PRCC: variants seen among roughly 807,000 people sequenced by gnomAD.
The protein encoded by PRCC is proline rich mitotic checkpoint control factor.
In PRCC, 10 loss-of-function variants were observed where a neutral mutation model predicts 44.0. The ratio of observed to expected loss-of-function variants is 0.23; its 90% CI spans 0.14 to 0.39. The LOEUF is 0.39. Among genes scored for constraint, PRCC ranks in the 10% least tolerant of loss-of-function variants. PRCC has a pLI of 1.00. For missense variants in PRCC, 573 were observed against 624.7 expected (o/e 0.92, Z 0.88); for synonymous variants, 278 against 259.5 (o/e 1.07, Z -0.69).
At chr1:156,782,395 C>G (rs1053937517) in intron 2 of PRCC, 66 bp downstream of exon 2, 18 of 1,393,842 alleles carry the variant, frequency 1.3e-5, no homozygotes, top group South Asian at 1.0e-4. Context: ...ACAGGACTTA[C>G]AGTATCCAGC....
intron 1 of PRCC, among the ~76,000 whole-genome samples, chr1:156,773,131 T>C (rs1027521844): frequency 6.6e-6 from 1 of 152,060 alleles, no homozygotes; most frequent in Non-Finnish European, 1.5e-5. Flanking sequence ...GGGATAACAG[T>C]AGTAATGATT....
At chr1:156,777,392 A>T (rs985730128) in intron 1 of PRCC, among the ~76,000 whole-genome samples, 3 of 152,218 alleles carry the variant, frequency 2.0e-5, no homozygotes, top group Admixed American at 6.5e-5. Context: ...AAGTGTTATT[A>T]TAAGAATTAA....
Position 156,786,971 on chromosome 1 carries a change from C to A in PRCC, c.880C>A (p.Pro294Thr). The A allele has an allele frequency of 6.2e-7, 1 of 1,614,204 alleles. No homozygotes were observed. Among genetic ancestry groups the A allele is most frequent in the Non-Finnish European group, 8.5e-7 (1 of 1,180,036 alleles). Residue 294 changes from proline (P) to threonine (T), a missense_variant, in exon 3 of 7, where the codon CCC becomes ACC. Pro to Thr is a conservative substitution (Grantham distance 38, BLOSUM62 -1). Coordinates refer to ENST00000271526, the MANE Select transcript of PRCC (RefSeq NM_005973.5). ...ACCTGGAGTTGAGCCATACCCTTAC[C>A]CCATCCCCACTGTCCCTGAAGAGCT... ...EPPGVEPYPY[P>T]IPTVPEELPP...
At chr1:156,781,842 AG>A (rs756337130) in intron 1 of PRCC, among the ~76,000 whole-genome samples, 28 of 152,338 alleles carry the variant, frequency 1.8e-4, no homozygotes, top group Non-Finnish European at 3.5e-4. Flanking sequence ...GTGGTTATGT[AG>A]TCTATATAAG....
chr1:156,771,468 G>A (rs890050216), intron 1 of PRCC, among the ~76,000 whole-genome samples: 5 of 152,118 alleles, frequency 3.3e-5, no homozygotes, highest in African/African-American at 9.7e-5. Context: ...CTGGAGCATC[G>A]AGGTATATTT....
rs534216418 is a variant in PRCC, at chr1:156,794,822, G to C, written c.1323+14G>C. 3.1e-6 allele frequency: 5 copies of C among 1,613,798 alleles called. No individual in the cohort carries two copies. The Admixed American group carries it at 8.3e-5, about 27-fold the overall frequency. On this transcript the variant is annotated intron_variant, in intron 5 of 6. Coordinates refer to ENST00000271526, the MANE Select transcript of PRCC (RefSeq NM_005973.5). ...TCATTCAGCAAAGTAAGTGGGAAAC[G>C]TCTATTGAGTGGTCAGCTTGGGAAG...
chr1:156,779,461 G>T (rs34318284), intron 1 of PRCC, among the ~76,000 whole-genome samples: 28,896 of 151,746 alleles, frequency 0.19, 3,567 homozygotes, highest in Non-Finnish European at 0.28. Flanking sequence ...CGCCTCCTAG[G>T]TTCAAGCAAT....
At chr1:156,778,429 CT>C (rs1651906468) in intron 1 of PRCC, among the ~76,000 whole-genome samples, 1 of 152,168 alleles carries the variant, frequency 6.6e-6, no homozygotes, top group Admixed American at 6.6e-5. Flanking sequence ...ATCCATTCAT[CT>C]GTTGATGGAC....
intron 1 of PRCC, among the ~76,000 whole-genome samples, chr1:156,781,979 G>C (rs982785991): frequency 6.6e-6 from 1 of 152,208 alleles, no homozygotes; most frequent in Non-Finnish European, 1.5e-5. Context: ...CCAAATGGGA[G>C]GAAATAGTCT....
At chr1:156,787,430 A>G (rs1019980541) in intron 3 of PRCC, among the ~76,000 whole-genome samples, 2 of 146,816 alleles carry the variant, frequency 1.4e-5, no homozygotes, top group Non-Finnish European at 3.0e-5. Context: ...GATCCATAAT[A>G]TTTGTACATA....
intron 1 of PRCC, among the ~76,000 whole-genome samples, chr1:156,774,363 C>T (rs1221799529): frequency 2.0e-5 from 3 of 151,372 alleles, no homozygotes; most frequent in African/African-American, 4.8e-5. Flanking sequence ...TTAGTAGAGA[C>T]GGGGTTTCAC....
At chr1:156,780,671 G>A (rs1416092179) in intron 1 of PRCC, among the ~76,000 whole-genome samples, 2 of 151,994 alleles carry the variant, frequency 1.3e-5, no homozygotes, top group Non-Finnish European at 2.9e-5. Context: ...CGTAATGGTA[G>A]TACTAATTGA....
intron 5 of PRCC, chr1:156,795,774 C>G (rs1024685491): frequency 6.6e-6 from 1 of 152,276 alleles, no homozygotes; most frequent in Non-Finnish European, 1.5e-5. Context: ...CCACACCACA[C>G]TCCTGCCTTC....
At position 156,796,973 on chromosome 1, in the gene PRCC, C is replaced by T. The variant is rs1176880505; in HGVS notation, c.1324-303C>T. On this transcript the variant is annotated intron_variant, in intron 5 of 6. Coordinates refer to ENST00000271526, the MANE Select transcript of PRCC (RefSeq NM_005973.5). ...AGCAGACAGAACCCCATGCTGGGTG[C>T]TAGGGGTGGGGTGGGATTACCAAAG... The T allele has an allele frequency of 9.1e-6, 3 of 328,030 alleles. No individual in the cohort carries two copies. In the Admixed American group the frequency reaches 1.3e-4, roughly 14 times the overall value. 20.3% of individuals were successfully genotyped at this position (328,030 alleles called of 1,614,324 possible).
At chr1:156,779,262 C>T (rs2102759042) in intron 1 of PRCC, among the ~76,000 whole-genome samples, 1 of 146,500 alleles carries the variant, frequency 6.8e-6, no homozygotes, top group African/African-American at 2.5e-5. Flanking sequence ...TCAAGCGATC[C>T]TCTCATCTCA....
Position 156,786,939 on chromosome 1 carries a change from C to G in PRCC, c.848C>G (p.Ala283Gly). The G allele has an allele frequency of 6.2e-7, 1 of 1,614,248 alleles. No individual in the cohort carries two copies. Among genetic ancestry groups the G allele is most frequent in the Non-Finnish European group, 8.5e-7 (1 of 1,180,046 alleles). Reference sequence around the variant, plus strand: ...AACTTTTTCTCCCTCCCTGAAAAGGCTGAGCCACCTGGAGTTGAGCCATAC... The same window carrying G: ...AACTTTTTCTCCCTCCCTGAAAAGGGTGAGCCACCTGGAGTTGAGCCATAC... Reference protein sequence around the residue: ...PENFFSLPEKAEPPGVEPYPY... With the variant: ...PENFFSLPEKGEPPGVEPYPY... Residue 283 changes from alanine to glycine, a missense_variant, in exon 3 of 7, where the codon GCT becomes GGT. Transcript: ENST00000271526.
At chr1:156,771,752 A>G (rs1438118057) in intron 1 of PRCC, among the ~76,000 whole-genome samples, 1 of 151,406 alleles carries the variant, frequency 6.6e-6, no homozygotes, top group Non-Finnish European at 1.5e-5. Flanking sequence ...GCTGGTCTTG[A>G]ACTCTTGAGC....
intron 2 of PRCC, among the ~76,000 whole-genome samples, chr1:156,782,820 T>A (rs2025856): frequency 0.36 from 54,074 of 152,062 alleles, 10,782 homozygotes; most frequent in East Asian, 0.73. Context: ...ATCCCTGTTT[T>A]ACATATGAGG....
Position 156,787,088 on chromosome 1 carries a change from C to T in PRCC, c.997C>T (p.Pro333Ser), listed in dbSNP as rs746643358. The T allele has an allele frequency of 6.2e-7, 1 of 1,614,124 alleles. No individual in the cohort carries two copies. Among genetic ancestry groups the T allele is most frequent in the Non-Finnish European group, 8.5e-7 (1 of 1,180,006 alleles). ...FKMAAGSSGA[P>S]WMPKPGDDYS... ...GATGGCAGCAGGTTCAAGTGGGGCC[C>T]CTTGGATGCCTAAGCCTGGGGACGA... The change falls in exon 3 of 7, where the codon CCT becomes TCT. Residue 333 changes from proline (P) to serine (S), a missense_variant. Coordinates refer to ENST00000271526, the MANE Select transcript of PRCC (RefSeq NM_005973.5).
Sources: gnomAD v4.1 joint callset for allele counts (sites outside exome capture counted in the v4.1 genomes callset) on GRCh38, gnomAD v4.1.1 for gene constraint, MANE v1.5 for transcripts, NCBI Gene and HGNC (gene_info 2026-07-23, HGNC 2026-07-21) for gene names.